Variants in PNPLA1 observed in about 807,000 individuals in gnomAD.
PNPLA1 encodes the protein omega-hydroxyceramide transacylase.
Under a neutral mutation model 51.7 loss-of-function variants are expected in PNPLA1, and 36 were observed. That is an observed-to-expected ratio of 0.70 (90% CI 0.53 to 0.92). The LOEUF (loss-of-function observed/expected upper bound fraction) is 0.92. Among genes scored for constraint, PNPLA1 ranks in the 40% least tolerant of loss-of-function variants. The pLI, the probability that PNPLA1 is intolerant of heterozygous loss-of-function variation, is 0.00. For missense variants in PNPLA1, 658 were observed against 682.5 expected (o/e 0.96, Z 0.40); for synonymous variants, 293 against 280.1 (o/e 1.05, Z -0.46).
At chr6:36,299,525 G>A (rs929241808) in intron 5 of PNPLA1, among the ~76,000 whole-genome samples, 14 of 151,370 alleles carry the variant, frequency 9.2e-5, no homozygotes, top group Admixed American at 2.0e-4. Context: ...TAGTAGAGAC[G>A]GGGTTTCGCC....
intron 1 of PNPLA1, among the ~76,000 whole-genome samples, chr6:36,250,188 C>T (rs1040981508): frequency 4.6e-5 from 7 of 152,142 alleles, no homozygotes; most frequent in African/African-American, 9.7e-5. Context: ...CTGTGAGATG[C>T]GAGCTACTGG....
intron 6 of PNPLA1, 149 bp from the exon 7 acceptor site, chr6:36,306,143 A>G: frequency 1.6e-6 from 1 of 633,262 alleles, no homozygotes; most frequent in Non-Finnish European, 2.6e-6. Flanking sequence ...GTCCCACGAC[A>G]TGACTCTGGT....
At chr6:36,300,334 A>T (rs1464008206) in intron 5 of PNPLA1, among the ~76,000 whole-genome samples, 4 of 151,200 alleles carry the variant, frequency 2.6e-5, no homozygotes, top group Admixed American at 6.6e-5. Flanking sequence ...AGCTGGGGCT[A>T]CAGGTGCATG....
chr6:36,290,660 G>A (rs1016911410), intron 1 of PNPLA1, among the ~76,000 whole-genome samples: 9 of 152,172 alleles, frequency 5.9e-5, no homozygotes, highest in African/African-American at 2.2e-4. Flanking sequence ...CCCCCGAATA[G>A]CGCATCTGCC....
chr6:36,256,857 C>T (rs922402960), intron 1 of PNPLA1, among the ~76,000 whole-genome samples: 13 of 152,044 alleles, frequency 8.6e-5, no homozygotes, highest in African/African-American at 3.1e-4. Context: ...AATGGGAGTC[C>T]CACAAAGCTT....
intron 1 of PNPLA1, among the ~76,000 whole-genome samples, chr6:36,287,391 G>A (rs1249110571): frequency 2.6e-5 from 4 of 152,108 alleles, no homozygotes; most frequent in African/African-American, 9.7e-5. Context: ...CCTAGGGTGG[G>A]CTGAGGGGTG....
rs547037174 is a variant in PNPLA1 at position 36,275,948 on chromosome 6, T to TTTTCTTTCTTTCTTTCTTTCTTTCTTTC, written c.205+5311_205+5312insCTTTCTTTCTTTCTTTCTTTCTTTCTTT. Reference sequence around the variant, plus strand: ...AATGGGACCTTTTTTACCTATGGCATTTTCTTTCTTTCTTTCTTTCTTTCT... The same window carrying TTTTCTTTCTTTCTTTCTTTCTTTCTTTC: ...AATGGGACCTTTTTTACCTATGGCATTTTCTTTCTTTCTTTCTTTCTTTCTTTCTTTCTTTCTTTCTTTCTTTCTTTCT... On this transcript the variant is annotated intron_variant, in intron 1 of 8. Transcript: ENST00000636260. Among the ~76,000 whole-genome samples the TTTTCTTTCTTTCTTTCTTTCTTTCTTTC allele has an allele frequency of 6.1e-4, 86 of 141,294 alleles. 5 individuals are homozygous for TTTTCTTTCTTTCTTTCTTTCTTTCTTTC. The highest frequency in any genetic ancestry group is 2.3e-3 in the African/African-American group (83 of 36,496). The allele number at this position is 141,294 out of a possible 152,430, so 92.7% of individuals were successfully genotyped here. A position where few individuals can be genotyped will look rare whatever the true frequency, so the allele number is the denominator to read the frequency against.
In PNPLA1 at chr6:36,307,701, C is replaced by G. The variant is rs149210881; in HGVS notation, c.1584C>G (p.Ser528Arg). ...GACATTCGGGATCCAAAAAACCAAG[C>G]AGCAAAGTGCAGTGAGCATGTCTAA... ...FPRHSGSKKP[S>R]SKVQSAPCPL... Residue 528 changes from serine (S) to arginine (R), a missense_variant, in exon 8 of 9, where the codon AGC (serine) becomes AGG (arginine). Coordinates refer to ENST00000636260, the MANE Select transcript of PNPLA1 (RefSeq NM_001374623.1). The G allele has an allele frequency of 4.4e-5, 71 of 1,613,898 alleles. 1 individual carries two copies. The African/African-American group carries it at 7.5e-4, about 17-fold the overall frequency.
intron 1 of PNPLA1, among the ~76,000 whole-genome samples, chr6:36,258,815 T>G (rs1012066851): frequency 9.2e-5 from 14 of 152,336 alleles, no homozygotes; most frequent in Non-Finnish European, 1.8e-4. Context: ...TACACAGAAC[T>G]TTTCAGTGCC....
chr6:36,264,434 G>T (rs1199080977), intron 1 of PNPLA1, among the ~76,000 whole-genome samples: 3 of 152,176 alleles, frequency 2.0e-5, no homozygotes, highest in Non-Finnish European at 4.4e-5. Flanking sequence ...CAATGTGTTT[G>T]TTTATGTGAA....
Position 36,291,390 on chromosome 6 carries a change from G to A in PNPLA1, c.276G>A (p.Pro92=), listed in dbSNP as rs749816424. 37 of 1,614,150 alleles carry A rather than the reference G, an allele frequency of 2.3e-5. No individual in the cohort carries two copies. Among genetic ancestry groups the A allele is most frequent in the East Asian group, 1.8e-4 (8 of 44,874 alleles). The part of the protein sequence containing the change: ...VKKSFLGPLS[P]SCKMVQMMRQ... ...AATCCTTCCTGGGGCCCTTGTCCCC[G>A]TCCTGTAAGATGGTGCAGATGATGA... Residue 92 remains proline (P), a synonymous_variant, in exon 2 of 9, where the codon CCG becomes CCA. Coordinates refer to ENST00000636260, the MANE Select transcript of PNPLA1 (RefSeq NM_001374623.1).
chr6:36,268,883 C>T (rs1769826926), upstream of PNPLA1, among the ~76,000 whole-genome samples: 1 of 152,196 alleles, frequency 6.6e-6, no homozygotes, highest in African/African-American at 2.4e-5. Context: ...TCTCTGCTGT[C>T]CAAAAGCTGA....
chr6:36,249,357 A>G (rs558603565), intron 1 of PNPLA1, among the ~76,000 whole-genome samples: 56 of 152,344 alleles, frequency 3.7e-4, no homozygotes, highest in Non-Finnish European at 6.9e-4. Context: ...TTTGACTCCA[A>G]AAAAGGAAAC....
At chr6:36,271,017 T>C (rs1769901246) in intron 1 of PNPLA1, among the ~76,000 whole-genome samples, 1 of 152,124 alleles carries the variant, frequency 6.6e-6, no homozygotes, top group African/African-American at 2.4e-5. Context: ...CAGTCATACA[T>C]TGGGGTTCAG....
intron 1 of PNPLA1, chr6:36,243,395 A>G (rs1769183936): frequency 6.6e-6 from 1 of 152,238 alleles, no homozygotes; most frequent in Admixed American, 6.5e-5. Flanking sequence ...CATGTTTGGG[A>G]ACCAGTGTGT....
At chr6:36,267,786 C>T (rs1012552074), upstream of PNPLA1, among the ~76,000 whole-genome samples, 1 of 150,366 alleles carries the variant, frequency 6.7e-6, no homozygotes, top group Non-Finnish European at 1.5e-5. Flanking sequence ...GCCATCCCTG[C>T]CCCCCCCATG....
Position 36,270,368 on chromosome 6 carries a change from A to G in PNPLA1, c.-92A>G. The G allele has an allele frequency of 1.5e-6, 2 of 1,296,666 alleles. No homozygotes were observed. The highest frequency in any genetic ancestry group is 2.7e-5 in the South Asian group (2 of 74,880). 80.3% of individuals were successfully genotyped at this position (1,296,666 alleles called of 1,614,324 possible). On this transcript the variant is annotated 5_prime_UTR_variant, in exon 1 of 9. Coordinates refer to ENST00000636260, the MANE Select transcript of PNPLA1 (RefSeq NM_001374623.1). ...CTCCGGGGTGGCAGGGAAGCTGGGT[A>G]GGGAGTTCCTACAGGGAGCGGCAGC...
intron 5 of PNPLA1, among the ~76,000 whole-genome samples, chr6:36,299,324 T>G (rs866238466): frequency 1.2e-5 from 1 of 81,756 alleles, no homozygotes; most frequent in African/African-American, 4.3e-5. Flanking sequence ...GTTTTTTTTG[T>G]TTTTTTGTCT....
chr6:36,282,225 G>GGAAGGAAGGAAGGAA (rs879549980), intron 1 of PNPLA1, among the ~76,000 whole-genome samples: 1 of 141,446 alleles, frequency 7.1e-6, no homozygotes, highest in Non-Finnish European at 1.5e-5. Flanking sequence ...AAGGAAGGAA[G>GGAAGGAAGGAAGGAA]GAAGGAAGGA....
Sources: allele counts gnomAD v4.1 joint callset (sites outside exome capture counted in the v4.1 genomes callset), GRCh38; gene constraint gnomAD v4.1.1; transcripts MANE v1.5; gene names NCBI Gene and HGNC (gene_info 2026-07-23, HGNC 2026-07-21).